The following CYB5B variants were observed in gnomAD, a reference collection of about 807,000 sequenced individuals.
CYB5B encodes the protein cytochrome b5 type B.
A neutral mutation model predicts 21.3 loss-of-function variants in CYB5B; 14 were observed. The observed-to-expected ratio is 0.66, with a 90% CI of 0.43 to 1.03. The LOEUF (loss-of-function observed/expected upper bound fraction) is 1.03. CYB5B is among the 50% of genes least tolerant of loss of function. The pLI is 0.00. For synonymous variants in CYB5B, 69 were observed against 68.4 expected (o/e 1.01, Z -0.04); for missense variants, 166 against 185.1 (o/e 0.90, Z 0.60).
At chr16:69,442,967 G>A (rs1003399292) in intron 1 of CYB5B, among the ~76,000 whole-genome samples, 1 of 148,458 alleles carries the variant, frequency 6.7e-6, no homozygotes, top group African/African-American at 2.5e-5. Context: ...AATTTTTTTT[G>A]TGACAGAGCT....
At chr16:69,439,319 G>A (rs1053158027) in intron 1 of CYB5B, among the ~76,000 whole-genome samples, 3 of 151,812 alleles carry the variant, frequency 2.0e-5, no homozygotes, top group Non-Finnish European at 2.9e-5. Flanking sequence ...CAAGCGATTC[G>A]ACTGCCTCAG....
At chr16:69,455,274 C>A (rs953122502) in intron 3 of CYB5B, among the ~76,000 whole-genome samples, 1 of 152,176 alleles carries the variant, frequency 6.6e-6, no homozygotes, top group South Asian at 2.1e-4. Context: ...AAAGTACACT[C>A]CATTCCTTAA....
At chr16:69,448,171 T>G in intron 3 of CYB5B, 27 bp downstream of exon 3, 1 of 1,612,630 alleles carries the variant, frequency 6.2e-7, no homozygotes, top group Non-Finnish European at 8.5e-7. Context: ...TTGTCTTGTG[T>G]TTATATTTGT....
At chr16:69,435,930 GC>G in intron 1 of CYB5B, among the ~76,000 whole-genome samples, 1 of 152,298 alleles carries the variant, frequency 6.6e-6, no homozygotes, top group South Asian at 2.1e-4. Context: ...GAGCCACTGT[GC>G]CTGGCCTAAC....
intron 4 of CYB5B, among the ~76,000 whole-genome samples, chr16:69,460,336 A>G (rs1364643009): frequency 6.6e-6 from 1 of 152,226 alleles, no homozygotes; most frequent in Non-Finnish European, 1.5e-5. Context: ...AAGAATTCCT[A>G]CAAATCAGTT....
At chr16:69,445,358 A>T (rs975255163) in intron 1 of CYB5B, among the ~76,000 whole-genome samples, 1 of 152,200 alleles carries the variant, frequency 6.6e-6, no homozygotes, top group Non-Finnish European at 1.5e-5. Context: ...ATAAAAATAG[A>T]AGTTATCCTT....
intron 1 of CYB5B, among the ~76,000 whole-genome samples, chr16:69,430,992 G>A (rs1199404345): frequency 6.8e-6 from 1 of 147,872 alleles, no homozygotes; most frequent in African/African-American, 2.5e-5. Context: ...AGCTTTATAT[G>A]TGTATTTATT....
rs2015039145 is a variant in CYB5B, at chr16:69,461,925, T to G, written c.363-505T>G. 2.0e-5 allele frequency among the ~76,000 whole-genome samples: 3 copies of G among 152,324 alleles called. No individual in the cohort carries two copies. The South Asian group carries it at 6.2e-4, about 32-fold the overall frequency. On this transcript the variant is annotated intron_variant, in intron 4 of 4. Transcript: ENST00000307892. ...CGTAGGTTATCCTATTTCATAAGGA[T>G]TAAATCTTTAAAATACATATGAAGC...
At chr16:69,458,678 T>C (rs1395227828) in intron 3 of CYB5B, among the ~76,000 whole-genome samples, 2 of 152,196 alleles carry the variant, frequency 1.3e-5, no homozygotes, top group Admixed American at 6.5e-5. Flanking sequence ...TTGATCTACA[T>C]GTTAGAAGAG....
chr16:69,448,365 T>C, intron 3 of CYB5B: 1 of 489,626 alleles, frequency 2.0e-6, no homozygotes, highest in Non-Finnish European at 3.6e-6. Context: ...TTTATACGCT[T>C]TTTTTTTTTA....
rs1344023098 is a variant in CYB5B at position 69,465,013 on chromosome 16, A to G, written c.*2493A>G. On this transcript the variant is annotated 3_prime_UTR_variant, in exon 5 of 5. Transcript: ENST00000307892. ...TCTATACAATAAAGTAGTATAGCAC[A>G]CTAGCCAAATCCATCCAAAAGGACC... The G allele has an allele frequency of 6.6e-6, 1 of 152,378 alleles. No homozygotes were observed. The highest frequency in any genetic ancestry group is 2.4e-5 in the African/African-American group (1 of 41,468). The allele number at this position is 152,378 out of a possible 1,614,324, so 9.4% of individuals were successfully genotyped here.
At position 69,459,101 on chromosome 16, in the gene CYB5B, A is replaced by C. The variant is rs34661695; in HGVS notation, c.342A>C (p.Ser114=). Residue 114 remains serine, a synonymous_variant, in exon 4 of 5, where the codon TCA becomes TCC. Coordinates refer to ENST00000307892, the MANE Select transcript of CYB5B (RefSeq NM_030579.3). ...TTTTTTTTTTATTTCAGGACCCTTC[A>C]AAAAATGATACATGCAAAAGGTTAG... ...LKPESGSKDP[S]KNDTCKSCWA... 0.074 allele frequency: 119,080 copies of C among 1,600,754 alleles called. 4,956 individuals are homozygous for C. The highest frequency in any genetic ancestry group is 0.09 in the Middle Eastern group (538 of 5,946).
chr16:69,448,220 T>G, intron 3 of CYB5B, 76 bp downstream of exon 3: 1 of 1,520,256 alleles, frequency 6.6e-7, no homozygotes. Flanking sequence ...ACATTTTTTC[T>G]TAACAAGAGA....
intron 1 of CYB5B, chr16:69,443,392 G>T (rs1490362561): frequency 5.6e-6 from 1 of 177,036 alleles, no homozygotes; most frequent in Non-Finnish European, 1.3e-5. Flanking sequence ...TGGCTGCTCT[G>T]GTCATCTGCT....
rs1330228355 is a variant in CYB5B, at chr16:69,466,250, C to T, written c.*3730C>T. On this transcript the variant is annotated 3_prime_UTR_variant, in exon 5 of 5. Transcript: ENST00000307892. ...TTGTTAGAACTACACACAATAAAGA[C>T]ACTGTTTTCCTTTTCTTGCCCCGAC... The T allele has an allele frequency of 6.6e-6, 1 of 152,592 alleles. No homozygotes were observed. The highest frequency in any genetic ancestry group is 2.4e-5 in the African/African-American group (1 of 41,430). The allele number at this position is 152,592 out of a possible 1,614,324, so 9.5% of individuals were successfully genotyped here. A position where few individuals can be genotyped will look rare whatever the true frequency, so the allele number is the denominator to read the frequency against.
intron 1 of CYB5B, among the ~76,000 whole-genome samples, chr16:69,440,275 T>G (rs1469597435): frequency 6.6e-6 from 1 of 152,230 alleles, no homozygotes; most frequent in Non-Finnish European, 1.5e-5. Flanking sequence ...CTTACAAAAA[T>G]GAGACTATAC....
chr16:69,446,263 C>T (rs952073522), intron 1 of CYB5B, among the ~76,000 whole-genome samples: 1 of 152,136 alleles, frequency 6.6e-6, no homozygotes, highest in Non-Finnish European at 1.5e-5. Flanking sequence ...TGTGCAGGGT[C>T]ACATAGCTGA....
rs373526039 is a variant in CYB5B, at chr16:69,424,653, G to C, written c.-31G>C. On this transcript the variant is annotated 5_prime_UTR_variant, in exon 1 of 5. Coordinates refer to ENST00000307892, the MANE Select transcript of CYB5B (RefSeq NM_030579.3). ...GCGCGGGCTCTCAAGGAAAGTAGTC[G>C]CGGAATCTCAGTTAGCGGTGGAGAG... The C allele has an allele frequency of 8.0e-6, 12 of 1,505,836 alleles. No homozygotes were observed. Among genetic ancestry groups the C allele is most frequent in the Non-Finnish European group, 1.1e-5 (12 of 1,123,006 alleles). The allele number at this position is 1,505,836 out of a possible 1,614,324, so 93.3% of individuals were successfully genotyped here.
At chr16:69,429,096 A>T (rs28515097) in intron 1 of CYB5B, among the ~76,000 whole-genome samples, 64,081 of 152,032 alleles carry the variant, frequency 0.42, 14,628 homozygotes, top group African/African-American at 0.6. Context: ...ATTGTTGTGA[A>T]AGACTGAAGG....
Sources: allele counts gnomAD v4.1 joint callset (sites outside exome capture counted in the v4.1 genomes callset), GRCh38; gene constraint gnomAD v4.1.1; transcripts MANE v1.5; gene names NCBI Gene and HGNC (gene_info 2026-07-23, HGNC 2026-07-21).